Variants in COTL1 observed in about 807,000 individuals in gnomAD.
The protein encoded by COTL1 is coactosin like F-actin binding protein 1.
A neutral mutation model predicts 16.5 loss-of-function variants in COTL1; 15 were observed. That is an observed-to-expected ratio of 0.91 (90% CI 0.61 to 1.40). The LOEUF (loss-of-function observed/expected upper bound fraction) is 1.40. Ranked by LOEUF, COTL1 falls within the 40% of genes most tolerant of loss-of-function variation. COTL1 has a pLI of 0.00. For synonymous variants in COTL1, 112 were observed against 85.3 expected, an observed-to-expected ratio of 1.31 and a Z score of -1.73; for missense variants, 220 against 201.5, an observed-to-expected ratio of 1.09 and a Z score of -0.56.
Position 84,597,146 on chromosome 16 carries a change from A to G in COTL1, c.161-6884T>C, listed in dbSNP as rs150927092. On this transcript the variant is annotated intron_variant, in intron 2 of 3. Coordinates refer to ENST00000262428, the MANE Select transcript of COTL1 (RefSeq NM_021149.5). ...GCATCCAGCTCTGGGTTTCAGAGTG[A>G]GGCACTCCGAGGCACACAGTCACGG... Among the ~76,000 whole-genome samples, 117 of 152,262 alleles carry G rather than the reference A, an allele frequency of 7.7e-4. 1 individual carries two copies. In the East Asian group the frequency reaches 0.02, roughly 26 times the overall value.
At chr16:84,572,884 C>T (rs994235429) in intron 3 of COTL1, among the ~76,000 whole-genome samples, 1 of 151,834 alleles carries the variant, frequency 6.6e-6, no homozygotes, top group African/African-American at 2.4e-5. Flanking sequence ...ACCGAAGTAG[C>T]CGGGACTACA....
At chr16:84,600,771 A>T (rs948693340) in intron 2 of COTL1, among the ~76,000 whole-genome samples, 1 of 152,156 alleles carries the variant, frequency 6.6e-6, no homozygotes, top group African/African-American at 2.4e-5. Context: ...GGTGTGAATG[A>T]CCCAGCTTTC....
intron 2 of COTL1, among the ~76,000 whole-genome samples, chr16:84,615,741 C>T (rs1905458918): frequency 6.6e-6 from 1 of 152,162 alleles, no homozygotes. Flanking sequence ...TCAAATCCTG[C>T]CCTGCCAACT....
chr16:84,585,884 C>T (rs567091785), intron 3 of COTL1, among the ~76,000 whole-genome samples: 4 of 152,330 alleles, frequency 2.6e-5, no homozygotes, highest in African/African-American at 9.6e-5. Context: ...ACCTGTAGTT[C>T]AGGCCAGTAT....
intron 2 of COTL1, among the ~76,000 whole-genome samples, chr16:84,600,016 TG>T (rs1344266795): frequency 6.6e-6 from 1 of 152,076 alleles, no homozygotes; most frequent in Non-Finnish European, 1.5e-5. Flanking sequence ...CGCCCACGTC[TG>T]TAAGAGGGAG....
intron 2 of COTL1, chr16:84,596,322 T>G (rs1038921429): frequency 6.6e-6 from 1 of 152,302 alleles, no homozygotes; most frequent in Non-Finnish European, 1.5e-5. Context: ...TACCCCCACA[T>G]GTACTAGCCT....
chr16:84,599,996 G>A (rs1905078022), intron 2 of COTL1, among the ~76,000 whole-genome samples: 1 of 152,152 alleles, frequency 6.6e-6, no homozygotes, highest in Non-Finnish European at 1.5e-5. Flanking sequence ...AGGAAGGAGG[G>A]CTCAGTGGCC....
chr16:84,567,024 G>T, intron 3 of COTL1, 69 bp from the exon 4 acceptor site: 1 of 1,061,072 alleles, frequency 9.4e-7, no homozygotes, highest in Non-Finnish European at 1.5e-6. Context: ...GGTGGCTCAG[G>T]CAACACACTG....
At position 84,571,591 on chromosome 16, in the gene COTL1, G is replaced by A. The variant is rs142001363; in HGVS notation, c.319-4636C>T. Among the ~76,000 whole-genome samples the A allele has an allele frequency of 1.1e-4, 17 of 152,120 alleles. No homozygotes were observed. In the East Asian group the frequency reaches 2.3e-3, roughly 21 times the overall value. ...CCTGTGTCTTGTCCACCCCTTCCCC[G>A]TTCTTTGAGCCTGGCAGTGACTCCT... On this transcript the variant is annotated intron_variant, in intron 3 of 3. Coordinates refer to ENST00000262428, the MANE Select transcript of COTL1 (RefSeq NM_021149.5).
intron 3 of COTL1, among the ~76,000 whole-genome samples, chr16:84,581,422 G>A (rs889204372): frequency 7.9e-5 from 12 of 152,298 alleles, no homozygotes; most frequent in Admixed American, 3.3e-4. Context: ...AGGGGGAGCA[G>A]CAGCCTCGTA....
chr16:84,584,933 C>A (rs182036010), intron 3 of COTL1, among the ~76,000 whole-genome samples: 1 of 151,970 alleles, frequency 6.6e-6, no homozygotes, highest in African/African-American at 2.4e-5. Flanking sequence ...TTTGAACCCA[C>A]GCCATCTGGC....
chr16:84,586,460 G>A (rs1904736192), intron 3 of COTL1, among the ~76,000 whole-genome samples: 1 of 152,188 alleles, frequency 6.6e-6, no homozygotes, highest in Non-Finnish European at 1.5e-5. Flanking sequence ...TAGTGGGTAT[G>A]AGGTTTCCTT....
At chr16:84,581,954 C>G (rs561860393) in intron 3 of COTL1, among the ~76,000 whole-genome samples, 2 of 151,348 alleles carry the variant, frequency 1.3e-5, no homozygotes, top group African/African-American at 2.4e-5. Context: ...ACACAAAGAG[C>G]CTACATGAGC....
At chr16:84,574,868 G>A (rs1308459094) in intron 3 of COTL1, among the ~76,000 whole-genome samples, 3 of 152,118 alleles carry the variant, frequency 2.0e-5, no homozygotes, top group Non-Finnish European at 4.4e-5. Context: ...CCTCAAAGAT[G>A]CAAAATAAAC....
intron 3 of COTL1, among the ~76,000 whole-genome samples, chr16:84,578,168 CA>C (rs1904494463): frequency 6.6e-6 from 1 of 152,174 alleles, no homozygotes; most frequent in African/African-American, 2.4e-5. Context: ...GATCAGTTGA[CA>C]AGCTAGAGAT....
At position 84,610,631 on chromosome 16, in the gene COTL1, G is replaced by A. The variant is rs947792713; in HGVS notation, c.160+6870C>T. Among the ~76,000 whole-genome samples the A allele has an allele frequency of 7.6e-4, 116 of 152,298 alleles. 1 individual carries two copies. Among genetic ancestry groups the A allele is most frequent in the African/African-American group, 2.7e-3 (112 of 41,554 alleles). ...AGAGTGGCTTGCTCTGATTGGACAGGTCTGGGTTATGTGCACTCTCACAGG... is the reference window on the plus strand; with the variant it reads ...AGAGTGGCTTGCTCTGATTGGACAGATCTGGGTTATGTGCACTCTCACAGG... On this transcript the variant is annotated intron_variant, in intron 2 of 3. Transcript: ENST00000262428.
intron 3 of COTL1, among the ~76,000 whole-genome samples, chr16:84,583,305 C>G (rs971548198): frequency 6.6e-5 from 10 of 152,146 alleles, no homozygotes; most frequent in African/African-American, 1.7e-4. Flanking sequence ...AAGTCCTTCA[C>G]AGAGTGTCAG....
intron 3 of COTL1, among the ~76,000 whole-genome samples, chr16:84,585,641 C>T (rs1192324925): frequency 6.6e-6 from 1 of 152,146 alleles, no homozygotes; most frequent in Non-Finnish European, 1.5e-5. Flanking sequence ...AGAGAACATC[C>T]GCTCTGAATC....
At chr16:84,574,717 G>C (rs544120364) in intron 3 of COTL1, among the ~76,000 whole-genome samples, 5 of 152,156 alleles carry the variant, frequency 3.3e-5, no homozygotes, top group Middle Eastern at 3.4e-3. Flanking sequence ...CTGAGTAGCT[G>C]GGATTACAGA....
Sources: allele counts gnomAD v4.1 joint callset (sites outside exome capture counted in the v4.1 genomes callset), GRCh38; gene constraint gnomAD v4.1.1; transcripts MANE v1.5; gene names NCBI Gene and HGNC (gene_info 2026-07-23, HGNC 2026-07-21).